The following TTC29 variants were observed in gnomAD, a reference collection of about 807,000 sequenced individuals.
The protein encoded by TTC29 is tetratricopeptide repeat protein 29.
Under a neutral mutation model 58.1 loss-of-function variants are expected in TTC29, and 49 were observed. The observed-to-expected ratio is 0.84, with a 90% CI of 0.67 to 1.07. TTC29 has a LOEUF of 1.07. Among genes scored for constraint, TTC29 ranks in the 50% least tolerant of loss-of-function variants. The pLI is 0.00. For synonymous variants in TTC29, 209 were observed against 196.8 expected, an observed-to-expected ratio of 1.06 and a Z score of -0.52; for missense variants, 582 against 555.6, an observed-to-expected ratio of 1.05 and a Z score of -0.48.
intron 8 of TTC29, among the ~76,000 whole-genome samples, chr4:146,855,906 G>T (rs1247896104): frequency 3.9e-5 from 6 of 152,014 alleles, no homozygotes; most frequent in Admixed American, 1.3e-4. Context: ...TCTTCTCTGG[G>T]TTCTTCTAGG....
intron 6 of TTC29, among the ~76,000 whole-genome samples, chr4:146,898,642 T>C (rs1732934589): frequency 6.6e-6 from 1 of 152,220 alleles, no homozygotes; most frequent in Non-Finnish European, 1.5e-5. Context: ...GCAGTGAACA[T>C]ATTCAGTAAC....
At chr4:146,914,696 C>A (rs1163841373) in intron 4 of TTC29, among the ~76,000 whole-genome samples, 2 of 152,060 alleles carry the variant, frequency 1.3e-5, no homozygotes, top group East Asian at 3.9e-4. Context: ...CTTGAGAATG[C>A]ATTTGAGAAT....
chr4:146,731,793 A>G (rs185120024), intron 11 of TTC29, among the ~76,000 whole-genome samples: 120 of 152,338 alleles, frequency 7.9e-4, no homozygotes, highest in Non-Finnish European at 1.3e-3. Context: ...TGAAAGCAAG[A>G]GCAGGAAATG....
intron 11 of TTC29, among the ~76,000 whole-genome samples, chr4:146,794,657 C>G (rs1027230168): frequency 6.6e-6 from 1 of 152,086 alleles, no homozygotes; most frequent in Admixed American, 6.6e-5. Context: ...AACTGGAAAA[C>G]TGTTTCCCTC....
chr4:146,770,992 T>C (rs1482832428), intron 11 of TTC29, among the ~76,000 whole-genome samples: 1 of 152,106 alleles, frequency 6.6e-6, no homozygotes, highest in Non-Finnish European at 1.5e-5. Flanking sequence ...TTAGTCATTA[T>C]TTTCTATTAG....
chr4:146,918,017 C>T (rs1734352628), intron 4 of TTC29, among the ~76,000 whole-genome samples: 1 of 150,436 alleles, frequency 6.6e-6, no homozygotes, highest in Non-Finnish European at 1.5e-5. Flanking sequence ...ATTTTAAATA[C>T]ATAAATAAAA....
intron 4 of TTC29, among the ~76,000 whole-genome samples, chr4:146,914,622 T>C (rs1470013333): frequency 2.6e-5 from 4 of 152,282 alleles, no homozygotes; most frequent in South Asian, 2.1e-4. Context: ...ACATGCTGAA[T>C]GTATCCTGAG....
intron 11 of TTC29, among the ~76,000 whole-genome samples, chr4:146,720,286 G>T (rs932326104): frequency 6.6e-6 from 1 of 151,992 alleles, no homozygotes; most frequent in African/African-American, 2.4e-5. Flanking sequence ...GACTTTAGAC[G>T]AGCTCAGTAT....
intron 11 of TTC29, among the ~76,000 whole-genome samples, chr4:146,780,710 T>C (rs1203516281): frequency 6.6e-6 from 1 of 150,818 alleles, no homozygotes; most frequent in African/African-American, 2.4e-5. Context: ...ATATATATAA[T>C]ATAACTGTAC....
intron 11 of TTC29, among the ~76,000 whole-genome samples, chr4:146,728,849 A>ATATATACG (rs1267339124): frequency 0.31 from 16,797 of 53,656 alleles, 5,700 homozygotes; most frequent in South Asian, 0.52. Context: ...ATATATATGT[A>ATATATACG]TATATATACA....
intron 11 of TTC29, 36 bp from the exon 12 acceptor site, chr4:146,707,587 T>C: frequency 7.0e-7 from 1 of 1,427,024 alleles, no homozygotes; most frequent in South Asian, 1.2e-5. Flanking sequence ...TAGATTATCA[T>C]GAACACAGTT....
At chr4:146,786,406 T>G (rs376064562) in intron 11 of TTC29, among the ~76,000 whole-genome samples, 3 of 152,208 alleles carry the variant, frequency 2.0e-5, no homozygotes, top group African/African-American at 7.2e-5. Flanking sequence ...TCACTCTTAC[T>G]AAAAGATAAT....
chr4:146,873,089 T>C (rs1317086699), intron 7 of TTC29, among the ~76,000 whole-genome samples: 1 of 152,146 alleles, frequency 6.6e-6, no homozygotes, highest in African/African-American at 2.4e-5. Flanking sequence ...ATGCTACACT[T>C]GTGCATTACA....
At chr4:146,872,386 C>T (rs1254794940) in intron 7 of TTC29, among the ~76,000 whole-genome samples, 8 of 151,868 alleles carry the variant, frequency 5.3e-5, no homozygotes, top group African/African-American at 1.4e-4. Context: ...AAAAACTAGA[C>T]GAACTGAACT....
chr4:146,739,739 C>T (rs1393217077), intron 11 of TTC29, among the ~76,000 whole-genome samples: 4 of 152,132 alleles, frequency 2.6e-5, no homozygotes, highest in Non-Finnish European at 4.4e-5. Context: ...CTACAATCTC[C>T]ACTTTTGACC....
In TTC29 at chr4:146,937,644, A is replaced by C. The variant is rs1230840178; in HGVS notation, c.126T>G (p.Asp42Glu). The C allele has an allele frequency of 6.5e-7, 1 of 1,538,420 alleles. No individual in the cohort carries two copies. The highest frequency in any genetic ancestry group is 1.2e-5 in the South Asian group (1 of 81,520). Residue 42 changes from aspartate (D) to glutamate (E), a missense_variant, in exon 4 of 13, where the codon GAT becomes GAG. Coordinates refer to ENST00000325106, the MANE Select transcript of TTC29 (RefSeq NM_031956.4). ...SQLIKEKDDI[D>E]HYLEVNFKGL... ...CTTTGAAATTTACCTCTAGATAATGATCTATGTCATCTTTTTCTTTGATCA... is the reference window on the plus strand; with the variant it reads ...CTTTGAAATTTACCTCTAGATAATGCTCTATGTCATCTTTTTCTTTGATCA...
At chr4:146,825,489 T>A (rs1257136195) in intron 9 of TTC29, among the ~76,000 whole-genome samples, 1 of 152,232 alleles carries the variant, frequency 6.6e-6, no homozygotes, top group Non-Finnish European at 1.5e-5. Context: ...AGTTCAGTTC[T>A]TTTGCATTTG....
intron 11 of TTC29, among the ~76,000 whole-genome samples, chr4:146,716,953 G>C (rs900197801): frequency 6.6e-6 from 1 of 152,132 alleles, no homozygotes; most frequent in Admixed American, 6.6e-5. Context: ...TCCAAACCAG[G>C]AGCATTAACA....
chr4:146,798,886 C>CAAAAAA (rs70958529), intron 11 of TTC29, among the ~76,000 whole-genome samples: 1 of 18,268 alleles, frequency 5.5e-5, no homozygotes, highest in African/African-American at 2.1e-4. Flanking sequence ...GACTCCGTCT[C>CAAAAAA]AAAAAAAAAA....
Sources: allele counts gnomAD v4.1 joint callset (sites outside exome capture counted in the v4.1 genomes callset), GRCh38; gene constraint gnomAD v4.1.1; transcripts MANE v1.5; gene names NCBI Gene and HGNC (gene_info 2026-07-23, HGNC 2026-07-21).